Variants in TENT4B observed in about 807,000 individuals in gnomAD.
The protein encoded by TENT4B is terminal nucleotidyltransferase 4B.
A neutral mutation model predicts 75.0 loss-of-function variants in TENT4B; 10 were observed. The ratio of observed to expected loss-of-function variants is 0.13; its 90% CI spans 0.08 to 0.23. The LOEUF is 0.23. TENT4B is among the 10% of genes least tolerant of loss of function. The pLI is 1.00. For missense variants in TENT4B, 579 were observed against 893.8 expected (o/e 0.65, Z 4.49); for synonymous variants, 350 against 357.7 (o/e 0.98, Z 0.24).
At chr16:50,153,183 T>TGGGGGGGG (rs760198722), upstream of TENT4B, among the ~76,000 whole-genome samples, 1 of 21,120 alleles carries the variant, frequency 4.7e-5, no homozygotes, top group Non-Finnish European at 9.5e-5. Context: ...GGCGGGGCGG[T>TGGGGGGGG]GGGGGGGGGG....
In TENT4B at chr16:50,203,616, A is replaced by G. The variant is rs532195146; in HGVS notation, c.639-7707A>G. ...CCTTCTTTAAGGACAGCGGACATCT[A>G]TAGTTCTTGGGTCAAATTGTCCTCC... On this transcript the variant is annotated intron_variant, in intron 1 of 11. Transcript: ENST00000561678. 3.4e-4 allele frequency among the ~76,000 whole-genome samples: 51 copies of G among 152,032 alleles called. 2 individuals carry two copies. In the South Asian group the frequency reaches 8.7e-3, roughly 26 times the overall value.
chr16:50,152,936 G>A (rs1324637532), upstream of TENT4B: 3 of 1,501,930 alleles, frequency 2.0e-6, no homozygotes, highest in Non-Finnish European at 2.7e-6. Flanking sequence ...CTCCCTGCGG[G>A]GCGGGCGGCA....
At chr16:50,153,277 T>TGCCGCCGCTGCC (rs1555506528), upstream of TENT4B, among the ~76,000 whole-genome samples, 11 of 135,264 alleles carry the variant, frequency 8.1e-5, no homozygotes, top group South Asian at 2.3e-4. Context: ...CGCGTCTCGC[T>TGCCGCCGCTGCC]GCCGCCGCTG....
At chr16:50,165,217 GTTATA>G (rs1312845739) in intron 1 of TENT4B, among the ~76,000 whole-genome samples, 2 of 148,766 alleles carry the variant, frequency 1.3e-5, no homozygotes, top group Non-Finnish European at 3.0e-5. Context: ...TCTTTTTTTG[GTTATA>G]TTCCATTGAT....
intron 1 of TENT4B, among the ~76,000 whole-genome samples, chr16:50,171,887 C>G (rs942405214): frequency 2.0e-5 from 3 of 152,070 alleles, no homozygotes; most frequent in Non-Finnish European, 4.4e-5. Flanking sequence ...ATTGCTTGAA[C>G]CCGGGAGGTG....
Position 50,155,272 on chromosome 16 carries a change from G to GGTGTGTGTGTGTGTGTGTGTGTGTGT in TENT4B, c.638+1028_638+1053dup, listed in dbSNP as rs60683678. Among the ~76,000 whole-genome samples the GGTGTGTGTGTGTGTGTGTGTGTGTGT allele has an allele frequency of 1.1e-3, 148 of 135,466 alleles. 1 individual carries two copies. The highest frequency in any genetic ancestry group is 1.4e-3 in the African/African-American group (50 of 35,890). The allele number at this position is 135,466 out of a possible 152,430, so 88.9% of individuals were successfully genotyped here. A position where few individuals can be genotyped will look rare whatever the true frequency, so the allele number is the denominator to read the frequency against. On this transcript the variant is annotated intron_variant, in intron 1 of 11. Transcript: ENST00000561678. Reference sequence around the variant, plus strand: ...TAAAACAAAGCTTTTGGGTCTCGTGGGTGTGTGTGTGTGTGTGTGTGTGTG... The same window carrying GGTGTGTGTGTGTGTGTGTGTGTGTGT: ...TAAAACAAAGCTTTTGGGTCTCGTGGGTGTGTGTGTGTGTGTGTGTGTGTGTGTGTGTGTGTGTGTGTGTGTGTGTG...
intron 1 of TENT4B, among the ~76,000 whole-genome samples, chr16:50,175,692 G>T (rs2150688630): frequency 6.6e-6 from 1 of 152,118 alleles, no homozygotes; most frequent in East Asian, 1.9e-4. Context: ...GGATGGTCTT[G>T]ATCTCTTGAC....
At chr16:50,222,464 C>T (rs899601600) in intron 6 of TENT4B, 30 bp downstream of exon 6, 1 of 1,601,440 alleles carries the variant, frequency 6.2e-7, no homozygotes, top group Non-Finnish European at 8.5e-7. Context: ...CATGCTAGTG[C>T]ACACTAAAAG....
chr16:50,228,262 A>G (rs994226466), intron 11 of TENT4B, among the ~76,000 whole-genome samples: 5 of 152,328 alleles, frequency 3.3e-5, no homozygotes, highest in Non-Finnish European at 7.3e-5. Context: ...CCAAACTACC[A>G]TATAAAAAGT....
At chr16:50,168,157 A>G (rs1020609691) in intron 1 of TENT4B, among the ~76,000 whole-genome samples, 7 of 148,750 alleles carry the variant, frequency 4.7e-5, no homozygotes, top group African/African-American at 1.7e-4. Flanking sequence ...CCAATTTTGT[A>G]GTATTTACTG....
Position 50,234,853 on chromosome 16 carries a change from G to A in TENT4B, c.*5525G>A, listed in dbSNP as rs142093176. On this transcript the variant is annotated 3_prime_UTR_variant, in exon 12 of 12. Transcript: ENST00000561678. Reference sequence around the variant, plus strand: ...TTTTAGTGGAATATACATAGATAACGTGTATTTAGAAACTTTGGTGAAGCC... The same window carrying A: ...TTTTAGTGGAATATACATAGATAACATGTATTTAGAAACTTTGGTGAAGCC... The A allele has an allele frequency of 5.3e-4, 522 of 985,688 alleles. No individual in the cohort carries two copies. The African/African-American group carries it at 8.2e-3, about 15-fold the overall frequency. 61.1% of individuals were successfully genotyped at this position (985,688 alleles called of 1,614,324 possible). A position where few individuals can be genotyped will look rare whatever the true frequency, so the allele number is the denominator to read the frequency against.
chr16:50,184,976 A>G (rs1283523026), intron 1 of TENT4B, among the ~76,000 whole-genome samples: 2 of 152,120 alleles, frequency 1.3e-5, no homozygotes, highest in African/African-American at 2.4e-5. Context: ...CATTCCCTGT[A>G]CTTAGATGGA....
At chr16:50,208,222 A>G (rs2031090662) in intron 1 of TENT4B, among the ~76,000 whole-genome samples, 1 of 152,178 alleles carries the variant, frequency 6.6e-6, no homozygotes, top group Non-Finnish European at 1.5e-5. Context: ...AAAATACAAT[A>G]ACCTGTGGAA....
intron 1 of TENT4B, among the ~76,000 whole-genome samples, chr16:50,203,120 A>G (rs1218828023): frequency 6.6e-6 from 1 of 152,250 alleles, no homozygotes; most frequent in African/African-American, 2.4e-5. Flanking sequence ...CAAATATGGC[A>G]TTCCTTAGCC....
At position 50,224,644 on chromosome 16, in the gene TENT4B, A is replaced by G; in HGVS notation, c.1382-13A>G. On this transcript the variant is annotated splice_polypyrimidine_tract_variant and intron_variant, in intron 7 of 11. Transcript: ENST00000561678. ...CAGTCAGGCTTACTATGTTACGTAT[A>G]TTTCTTTTAAAGGTAACGATGTTGG... is the stretch of plus-strand genomic sequence containing the variant. 1 of 1,613,770 alleles carries G rather than the reference A, an allele frequency of 6.2e-7. No individual in the cohort carries two copies. Among genetic ancestry groups the G allele is most frequent in the Non-Finnish European group, 8.5e-7 (1 of 1,179,824 alleles).
At chr16:50,184,496 G>A (rs942159533) in intron 1 of TENT4B, among the ~76,000 whole-genome samples, 3 of 151,908 alleles carry the variant, frequency 2.0e-5, no homozygotes, top group Non-Finnish European at 2.9e-5. Flanking sequence ...GTGAAACCCC[G>A]TCTCTACTAA....
chr16:50,180,809 C>G (rs954313680), intron 1 of TENT4B, among the ~76,000 whole-genome samples: 3 of 152,118 alleles, frequency 2.0e-5, no homozygotes, highest in Admixed American at 2.0e-4. Flanking sequence ...GTCAAAATCC[C>G]TCAAGAAGGG....
chr16:50,192,497 A>G (rs1003930737), intron 1 of TENT4B, among the ~76,000 whole-genome samples: 3 of 152,194 alleles, frequency 2.0e-5, no homozygotes, highest in African/African-American at 7.2e-5. Context: ...GTACAAGGCA[A>G]TGCAGAGAAA....
chr16:50,185,733 C>T (rs1009369801), intron 1 of TENT4B, among the ~76,000 whole-genome samples: 1 of 151,822 alleles, frequency 6.6e-6, no homozygotes, highest in South Asian at 2.1e-4. Flanking sequence ...TCCCTTCCTC[C>T]CTCTCTCTTT....
Sources: allele counts gnomAD v4.1 joint callset (sites outside exome capture counted in the v4.1 genomes callset), GRCh38; gene constraint gnomAD v4.1.1; transcripts MANE v1.5; gene names NCBI Gene and HGNC (gene_info 2026-07-23, HGNC 2026-07-21).